Variants in ITPKB observed in about 807,000 individuals in gnomAD.
ITPKB encodes the protein IP3 3-kinase B.
Under a neutral mutation model 69.4 loss-of-function variants are expected in ITPKB, and 13 were observed. The ratio of observed to expected loss-of-function variants is 0.19; its 90% CI spans 0.12 to 0.30. The LOEUF (loss-of-function observed/expected upper bound fraction) is 0.30. Among genes scored for constraint, ITPKB ranks in the 10% least tolerant of loss-of-function variants. The pLI, the probability that ITPKB is intolerant of heterozygous loss-of-function variation, is 1.00. For synonymous variants in ITPKB, 584 were observed against 513.7 expected (o/e 1.14, Z -1.85); for missense variants, 1,240 against 1,250.5 (o/e 0.99, Z 0.13).
At chr1:226,719,856 G>A (rs1004930534) in intron 2 of ITPKB, among the ~76,000 whole-genome samples, 12 of 152,186 alleles carry the variant, frequency 7.9e-5, no homozygotes, top group African/African-American at 2.9e-4. Flanking sequence ...TTTCCCGTGG[G>A]CAGATCTGCC....
At chr1:226,731,077 C>T (rs1657576583) in intron 2 of ITPKB, among the ~76,000 whole-genome samples, 1 of 152,210 alleles carries the variant, frequency 6.6e-6, no homozygotes, top group Non-Finnish European at 1.5e-5. Flanking sequence ...CTCACCTTTA[C>T]TTGAAAATGT....
intron 2 of ITPKB, among the ~76,000 whole-genome samples, chr1:226,651,275 G>A (rs988786279): frequency 2.6e-5 from 4 of 152,234 alleles, no homozygotes; most frequent in South Asian, 2.1e-4. Flanking sequence ...GCGAGGCCTC[G>A]GGAGAGCGTG....
chr1:226,639,301 A>T (rs1026349406), intron 6 of ITPKB, among the ~76,000 whole-genome samples: 1 of 152,056 alleles, frequency 6.6e-6, no homozygotes, highest in African/African-American at 2.4e-5. Context: ...CAGGTGATCC[A>T]CCTGCCCCAG....
intron 2 of ITPKB, among the ~76,000 whole-genome samples, chr1:226,730,506 GAGT>G (rs1657558559): frequency 6.6e-6 from 1 of 152,048 alleles, no homozygotes; most frequent in African/African-American, 2.4e-5. Flanking sequence ...ATGGAGTTGA[GAGT>G]ACCATATGCA....
Position 226,637,177 on chromosome 1 carries a change from T to TTG in ITPKB, c.2625+501_2625+502insCA, listed in dbSNP as rs1364146910. Among the ~76,000 whole-genome samples, 1 of 152,166 alleles carries TTG rather than the reference T, an allele frequency of 6.6e-6. No homozygotes were observed. The highest frequency in any genetic ancestry group is 2.4e-5 in the African/African-American group (1 of 41,448). ...GAACCTGCCGACACCTCCCAGAGCCTCTCTCAGGTGTCTCAGTTCCCCACC... is the reference window on the plus strand; with the variant it reads ...GAACCTGCCGACACCTCCCAGAGCCTTGCTCTCAGGTGTCTCAGTTCCCCACC... On this transcript the variant is annotated intron_variant, in intron 7 of 7. Transcript: ENST00000429204. This position sits in a 1 kb window ranked among gnomAD's most constrained non-coding sequence, Gnocchi z 4.3.
intron 5 of ITPKB, among the ~76,000 whole-genome samples, chr1:226,640,161 T>C (rs1009800651): frequency 6.6e-6 from 1 of 152,166 alleles, no homozygotes; most frequent in Non-Finnish European, 1.5e-5. Flanking sequence ...ATCTCTTCTT[T>C]CACGTTTTCT....
Position 226,647,211 on chromosome 1 carries a change from G to A in ITPKB, c.2202C>T (p.Ala734=), listed in dbSNP as rs759756162. 1.1e-4 allele frequency: 173 copies of A among 1,614,088 alleles called. No homozygotes were observed. Among genetic ancestry groups the A allele is most frequent in the Non-Finnish European group, 1.3e-4 (156 of 1,180,048 alleles). The change falls in exon 4 of 8, where the codon GCC becomes GCT. Residue 734 remains alanine, a synonymous_variant. Transcript: ENST00000429204. The part of the protein sequence containing the change: ...ERYNQMDDLL[A]DFDSPCVMDC... ...CCATCACACAGGGCGAGTCGAAGTC[G>A]GCCAGCAGGTCGTCCATCTGGTTGT...
At chr1:226,699,880 C>G (rs1023347312) in intron 2 of ITPKB, among the ~76,000 whole-genome samples, 1 of 152,130 alleles carries the variant, frequency 6.6e-6, no homozygotes, top group East Asian at 1.9e-4. Flanking sequence ...TCACAGGTCC[C>G]ACAATAGGCT....
chr1:226,635,133 C>A (rs1428315764), intron 7 of ITPKB, among the ~76,000 whole-genome samples: 1 of 152,162 alleles, frequency 6.6e-6, no homozygotes, highest in Non-Finnish European at 1.5e-5. Context: ...CACCCCTTCA[C>A]CCCCTGACTC....
rs1453259745 is a variant in ITPKB at position 226,647,387 on chromosome 1, A to G, written c.2033-7T>C. ...GCAGCTGCCTTGAAACTCCCTGGAG[A>G]GCAAGTGTAGAAGGTTCCTGGTCTC... On this transcript the variant is annotated splice_polypyrimidine_tract_variant and splice_region_variant and intron_variant, in intron 3 of 7. Transcript: ENST00000429204. The G allele has an allele frequency of 6.2e-7, 1 of 1,609,502 alleles. No individual in the cohort carries two copies. The highest frequency in any genetic ancestry group is 1.7e-5 in the Admixed American group (1 of 59,612).
chr1:226,732,217 T>TAA (rs1657609963), intron 2 of ITPKB, among the ~76,000 whole-genome samples: 1 of 151,680 alleles, frequency 6.6e-6, no homozygotes, highest in Non-Finnish European at 1.5e-5. Flanking sequence ...CCACAGGTAA[T>TAA]TAGGCCAGTG....
chr1:226,644,531 T>C (rs906517101), intron 4 of ITPKB, among the ~76,000 whole-genome samples: 1 of 152,182 alleles, frequency 6.6e-6, no homozygotes, highest in South Asian at 2.1e-4. Flanking sequence ...AGGAAGACAG[T>C]GTTGACTCTC....
At chr1:226,695,134 G>T (rs1167519884) in intron 2 of ITPKB, among the ~76,000 whole-genome samples, 1 of 152,198 alleles carries the variant, frequency 6.6e-6, no homozygotes, top group Admixed American at 6.5e-5. Context: ...GAAGGCTGAG[G>T]CAAGAGAATT....
chr1:226,665,714 G>A (rs1669486427), intron 2 of ITPKB, among the ~76,000 whole-genome samples: 1 of 152,198 alleles, frequency 6.6e-6, no homozygotes, highest in Admixed American at 6.5e-5. Context: ...CCCACCCAGA[G>A]AAGTGGAACA....
At chr1:226,654,035 A>C (rs1384085670) in intron 2 of ITPKB, among the ~76,000 whole-genome samples, 4 of 152,162 alleles carry the variant, frequency 2.6e-5, no homozygotes, top group African/African-American at 9.7e-5. Context: ...CAATTCACTC[A>C]GAGAAATGTG....
intron 2 of ITPKB, among the ~76,000 whole-genome samples, chr1:226,668,472 A>C (rs1669548693): frequency 6.6e-6 from 1 of 152,216 alleles, no homozygotes. Flanking sequence ...AGTCATTGTA[A>C]AGACAAAGAA....
At position 226,647,247 on chromosome 1, in the gene ITPKB, G is replaced by A. The variant is rs372098524; in HGVS notation, c.2166C>T (p.Asp722=). 2.1e-5 allele frequency: 34 copies of A among 1,614,052 alleles called. No individual in the cohort carries two copies. The highest frequency in any genetic ancestry group is 1.9e-4 in the African/African-American group (14 of 74,910). Residue 722 remains aspartate (D), a synonymous_variant, in exon 4 of 8, where the codon GAC becomes GAT. Transcript: ENST00000429204. ...CGTCCATCTGGTTGTAGCGCTCCCC[G>A]TCCTTCACCACATCCCCATGGTAGG... ...VPAYHGDVVK[D]GERYNQMDDL...
chr1:226,641,678 G>A lies in ITPKB; in HGVS notation c.2451+243C>T, dbSNP rs796239129. On this transcript the variant is annotated intron_variant, in intron 5 of 7. Transcript: ENST00000429204. This position sits in a 1 kb window ranked among gnomAD's most constrained non-coding sequence, Gnocchi z 4.6. ...CGTCTGGGCTAAATGGAGAGTCCTCGGCAGAGGGCTGACAGCTGGGCAGGG... is the reference window on the plus strand; with the variant it reads ...CGTCTGGGCTAAATGGAGAGTCCTCAGCAGAGGGCTGACAGCTGGGCAGGG... Among the ~76,000 whole-genome samples the A allele has an allele frequency of 1.2e-4, 18 of 152,366 alleles. No homozygotes were observed. In the South Asian group the frequency reaches 1.2e-3, roughly 11 times the overall value.
At chr1:226,675,885 C>G (rs1025985741) in intron 2 of ITPKB, among the ~76,000 whole-genome samples, 2 of 152,214 alleles carry the variant, frequency 1.3e-5, no homozygotes, top group African/African-American at 4.8e-5. Context: ...ACTTCCTCAA[C>G]CCACCTTACT....
Sources: allele counts gnomAD v4.1 joint callset (sites outside exome capture counted in the v4.1 genomes callset), GRCh38; gene constraint gnomAD v4.1.1; non-coding constraint Gnocchi (gnomAD v3.1); transcripts MANE v1.5; gene names NCBI Gene and HGNC (gene_info 2026-07-23, HGNC 2026-07-21).